ADCY2: variants seen among roughly 807,000 people sequenced by gnomAD.
ADCY2 encodes adenylate cyclase 2, also known as adenylate cyclase type 2.
ADCY2 carries 31 observed loss-of-function variants against 125.2 expected under a neutral mutation model. The ratio of observed to expected loss-of-function variants is 0.25; its 90% confidence interval spans 0.19 to 0.33. The LOEUF is 0.33. Ranked by LOEUF, ADCY2 falls within the 10% of genes least tolerant of loss-of-function variation. ADCY2 has a pLI of 1.00. For missense variants in ADCY2, 904 were observed against 1,418.2 expected, an observed-to-expected ratio of 0.64 and a Z score of 5.82; for synonymous variants, 512 against 548.4, an observed-to-expected ratio of 0.93 and a Z score of 0.93.
intron 3 of ADCY2, among the ~76,000 whole-genome samples, chr5:7,572,898 C>G (rs1382151481): frequency 6.6e-6 from 1 of 152,172 alleles, no homozygotes; most frequent in East Asian, 1.9e-4. Context: ...GTCCTAACCC[C>G]TAGTCCCCAT....
intron 8 of ADCY2, 131 bp downstream of exon 8, chr5:7,707,033 C>T: frequency 9.2e-7 from 1 of 1,086,732 alleles, no homozygotes; most frequent in Non-Finnish European, 1.3e-6. Flanking sequence ...GTTACTCACG[C>T]CCAACGGCCT....
At chr5:7,594,638 C>T (rs769224947) in intron 3 of ADCY2, among the ~76,000 whole-genome samples, 1 of 152,110 alleles carries the variant, frequency 6.6e-6, no homozygotes, top group Non-Finnish European at 1.5e-5. Context: ...TTATTGTCCC[C>T]AACCAAAACA....
At chr5:7,492,357 T>A (rs1743194092) in intron 2 of ADCY2, among the ~76,000 whole-genome samples, 1 of 152,168 alleles carries the variant, frequency 6.6e-6, no homozygotes, top group South Asian at 2.1e-4. Flanking sequence ...AATCATCCAA[T>A]CTTTTGGGGG....
At chr5:7,598,174 C>T (rs1007915060) in intron 3 of ADCY2, among the ~76,000 whole-genome samples, 6 of 152,186 alleles carry the variant, frequency 3.9e-5, no homozygotes, top group Non-Finnish European at 4.4e-5. Context: ...TTAGTGCCTC[C>T]TGTGCTGAGT....
At chr5:7,459,622 T>G (rs1741835406) in intron 2 of ADCY2, among the ~76,000 whole-genome samples, 1 of 152,132 alleles carries the variant, frequency 6.6e-6, no homozygotes, top group Admixed American at 6.5e-5. Flanking sequence ...TGTTCTTGCC[T>G]TAACTCCAAA....
intron 22 of ADCY2, among the ~76,000 whole-genome samples, chr5:7,805,541 C>T (rs1744734085): frequency 1.3e-5 from 2 of 152,088 alleles, no homozygotes. Context: ...CCTCCTTTCC[C>T]CTCAGGACAG....
At chr5:7,450,003 A>AT (rs1741414386) in intron 2 of ADCY2, among the ~76,000 whole-genome samples, 1 of 152,190 alleles carries the variant, frequency 6.6e-6, no homozygotes, top group African/African-American at 2.4e-5. Context: ...TCCACTGACC[A>AT]GCTGTTCTCC....
intron 4 of ADCY2, among the ~76,000 whole-genome samples, chr5:7,629,001 C>A (rs554190949): frequency 6.6e-6 from 1 of 152,186 alleles, no homozygotes; most frequent in Non-Finnish European, 1.5e-5. Flanking sequence ...TCCTGCTCAC[C>A]CTGCACCACA....
chr5:7,816,886 G>C lies in ADCY2; in HGVS notation c.2904G>C (p.Met968Ile). ...EHSQEPERQY[M>I]HIGTMVEFAF... ...CTCAGGAGCCCGAGCGGCAGTACATGCACATTGGCACCATGGTGGAGTTTG... is the reference window on the plus strand; with the variant it reads ...CTCAGGAGCCCGAGCGGCAGTACATCCACATTGGCACCATGGTGGAGTTTG... The change falls in exon 23 of 25, where the codon ATG becomes ATC. Residue 968 changes from methionine to isoleucine, a missense_variant. By Grantham distance (10) the Met-to-Ile change is conservative. Around this residue, in one of 7 missense-constraint regions of ADCY2, gnomAD observed 181 missense variants for 381.6 expected, o/e 0.47. Transcript: ENST00000338316. 3 of 1,614,210 alleles carry C rather than the reference G, an allele frequency of 1.9e-6. No homozygotes were observed. The highest frequency in any genetic ancestry group is 2.5e-6 in the Non-Finnish European group (3 of 1,180,024).
At chr5:7,621,823 A>G (rs1737964665) in intron 3 of ADCY2, among the ~76,000 whole-genome samples, 1 of 152,122 alleles carries the variant, frequency 6.6e-6, no homozygotes, top group Non-Finnish European at 1.5e-5. Context: ...TTACATCAAG[A>G]GATGATGGGG....
intron 11 of ADCY2, among the ~76,000 whole-genome samples, chr5:7,713,485 CTG>C: frequency 6.9e-6 from 1 of 144,088 alleles, no homozygotes; most frequent in South Asian, 2.2e-4. Flanking sequence ...CAGAGTGAAA[CTG>C]TGTCTCAGAA....
chr5:7,403,115 T>G (rs1739330191), intron 1 of ADCY2, among the ~76,000 whole-genome samples: 1 of 152,252 alleles, frequency 6.6e-6, no homozygotes, highest in South Asian at 2.1e-4. Context: ...GAATTATTTT[T>G]TGTGTGTGTA....
intron 3 of ADCY2, among the ~76,000 whole-genome samples, chr5:7,600,067 A>T (rs1172401906): frequency 6.6e-6 from 1 of 152,182 alleles, no homozygotes; most frequent in African/African-American, 2.4e-5. Context: ...GGGTCCTGGG[A>T]TGCTGACTCA....
intron 2 of ADCY2, among the ~76,000 whole-genome samples, chr5:7,493,419 A>G (rs1280993335): frequency 6.6e-6 from 1 of 151,898 alleles, no homozygotes; most frequent in East Asian, 1.9e-4. Flanking sequence ...GAGAGGGGGT[A>G]TCGGGTGCCT....
At chr5:7,509,065 A>G (rs1017666241) in intron 2 of ADCY2, among the ~76,000 whole-genome samples, 6 of 152,200 alleles carry the variant, frequency 3.9e-5, no homozygotes, top group African/African-American at 7.2e-5. Context: ...GAAGTTAATA[A>G]TGTTTGTGTT....
At chr5:7,458,570 C>T (rs1472141757) in intron 2 of ADCY2, among the ~76,000 whole-genome samples, 1 of 151,958 alleles carries the variant, frequency 6.6e-6, no homozygotes, top group African/African-American at 2.4e-5. Context: ...TTTCTCGTTC[C>T]CAAGTTCTAA....
intron 2 of ADCY2, among the ~76,000 whole-genome samples, chr5:7,479,002 G>A (rs994473150): frequency 6.6e-6 from 1 of 151,912 alleles, no homozygotes; most frequent in Non-Finnish European, 1.5e-5. Flanking sequence ...TTTTATAAAG[G>A]CATAACTTTT....
intron 22 of ADCY2, among the ~76,000 whole-genome samples, chr5:7,812,842 G>A (rs7720534): frequency 0.59 from 89,831 of 152,072 alleles, 27,532 homozygotes; most frequent in Middle Eastern, 0.7. Context: ...CCTGGGAGGC[G>A]GAGGTTGCAG....
In ADCY2 at chr5:7,545,492, G is replaced by A. The variant is rs145415493; in HGVS notation, c.570+24593G>A. ...TGGTTATGGGAGGATCTCTGTGCCT[G>A]TGTGGCCAAGGAACAAGCACCCATT... On this transcript the variant is annotated intron_variant, in intron 3 of 24. Coordinates refer to ENST00000338316, the MANE Select transcript of ADCY2 (RefSeq NM_020546.3). 1.0e-3 allele frequency among the ~76,000 whole-genome samples: 156 copies of A among 152,338 alleles called. 2 individuals are homozygous for A. The East Asian group carries it at 0.026, about 26-fold the overall frequency.
Sources: gnomAD v4.1 joint callset for allele counts (sites outside exome capture counted in the v4.1 genomes callset) on GRCh38, gnomAD v4.1.1 for gene constraint, gnomAD v4.1.1 regional missense constraint, MANE v1.5 for transcripts, NCBI Gene and HGNC (gene_info 2026-07-23, HGNC 2026-07-21) for gene names.